DCP2: variants seen among roughly 807,000 people sequenced by gnomAD.
The protein encoded by DCP2 is decapping mRNA 2, also known as m7GpppN-mRNA hydrolase.
DCP2 carries 30 observed loss-of-function variants against 56.1 expected under a neutral mutation model. The ratio of observed to expected loss-of-function variants is 0.53; its 90% CI spans 0.40 to 0.73. DCP2 has a LOEUF of 0.73. Ranked by LOEUF, DCP2 falls within the 30% of genes least tolerant of loss-of-function variation. The probability of loss-of-function intolerance (pLI) is 0.00; values close to 1 mark genes in which losing one functional copy is unlikely to be tolerated. For synonymous variants in DCP2, 197 were observed against 163.3 expected (o/e 1.21, Z -1.57); for missense variants, 533 against 502.7 (o/e 1.06, Z -0.58).
chr5:112,987,838 C>T (rs1748373454), intron 2 of DCP2, among the ~76,000 whole-genome samples: 1 of 151,536 alleles, frequency 6.6e-6, no homozygotes, highest in South Asian at 2.1e-4. Context: ...TGCCTTGTTG[C>T]CCAGTCTGGC....
At chr5:113,008,768 C>G (rs957057659) in intron 9 of DCP2, among the ~76,000 whole-genome samples, 10 of 152,026 alleles carry the variant, frequency 6.6e-5, no homozygotes, top group African/African-American at 2.4e-4. Context: ...GTGACAAGAA[C>G]AGAGAAGACA....
chr5:113,011,027 T>C (rs1287947595), intron 10 of DCP2, among the ~76,000 whole-genome samples: 1 of 152,230 alleles, frequency 6.6e-6, no homozygotes, highest in African/African-American at 2.4e-5. Flanking sequence ...CCGTTTCTTT[T>C]ATGAATGTTA....
intron 4 of DCP2, among the ~76,000 whole-genome samples, chr5:112,997,936 A>G (rs774951509): frequency 3.2e-4 from 48 of 152,142 alleles, no homozygotes; most frequent in Non-Finnish European, 2.6e-4. Flanking sequence ...TTTAAAAAAA[A>G]TTTTATTTGT....
intron 2 of DCP2, among the ~76,000 whole-genome samples, chr5:112,988,901 G>A (rs1351958042): frequency 6.6e-6 from 1 of 152,164 alleles, no homozygotes; most frequent in Non-Finnish European, 1.5e-5. Context: ...ATAACATTTT[G>A]TGTGTGTTTG....
Position 113,016,031 on chromosome 5 carries a change from A to G in DCP2, c.*2547A>G, listed in dbSNP as rs1749871237. 5 of 152,646 alleles carry G rather than the reference A, an allele frequency of 3.3e-5. No individual in the cohort carries two copies. The South Asian group carries it at 1.0e-3, about 32-fold the overall frequency. The allele number at this position is 152,646 out of a possible 1,614,324, so 9.5% of individuals were successfully genotyped here. A position where few individuals can be genotyped will look rare whatever the true frequency, so the allele number is the denominator to read the frequency against. On this transcript the variant is annotated 3_prime_UTR_variant, in exon 11 of 11. Coordinates refer to ENST00000389063, the MANE Select transcript of DCP2 (RefSeq NM_152624.6). ...ACAGGTCTTGGAATTCACTTTTTAAATGTTACGTTCCAACCTTATATGTTC... is the reference window on the plus strand; with the variant it reads ...ACAGGTCTTGGAATTCACTTTTTAAGTGTTACGTTCCAACCTTATATGTTC...
chr5:112,996,532 A>G (rs1430854292), intron 4 of DCP2, among the ~76,000 whole-genome samples: 2 of 152,112 alleles, frequency 1.3e-5, no homozygotes, highest in African/African-American at 4.8e-5. Flanking sequence ...TAATGTTGTT[A>G]TTTTAGTATA....
At chr5:113,004,854 G>A (rs1020508363) in intron 8 of DCP2, among the ~76,000 whole-genome samples, 37 of 150,224 alleles carry the variant, frequency 2.5e-4, no homozygotes, top group Non-Finnish European at 3.8e-4. Context: ...TTGGCCAGGC[G>A]TGGTGGCTCA....
In DCP2 at chr5:113,012,730, G is replaced by A. The variant is rs149320752; in HGVS notation, c.1100-591G>A. Among the ~76,000 whole-genome samples the A allele has an allele frequency of 7.0e-3, 1,065 of 152,128 alleles. 10 individuals carry two copies. Among genetic ancestry groups the A allele is most frequent in the African/African-American group, 0.024 (983 of 41,512 alleles). ...ACGATCTCAGCTTACTGCAGCCTCC[G>A]CCTCCTGGGTACAAGTCATTCTCCT... On this transcript the variant is annotated intron_variant, in intron 10 of 10. Transcript: ENST00000389063.
intron 2 of DCP2, among the ~76,000 whole-genome samples, chr5:112,988,855 C>T (rs1393183418): frequency 1.3e-5 from 2 of 152,108 alleles, no homozygotes. Context: ...GACTTACAGC[C>T]CTTCTAGGGC....
At position 112,995,641 on chromosome 5, in the gene DCP2, C is replaced by G. The variant is rs202123138; in HGVS notation, c.432+2871C>G. Reference sequence around the variant, plus strand: ...GTTTTCATAATAAAAATTCTAACCTCTAAACATTCTTTTTGATCTCTATGA... The same window carrying G: ...GTTTTCATAATAAAAATTCTAACCTGTAAACATTCTTTTTGATCTCTATGA... On this transcript the variant is annotated intron_variant, in intron 4 of 10. Coordinates refer to ENST00000389063, the MANE Select transcript of DCP2 (RefSeq NM_152624.6). Among the ~76,000 whole-genome samples the G allele has an allele frequency of 3.9e-5, 6 of 152,322 alleles. No homozygotes were observed. The East Asian group carries it at 9.6e-4, about 24-fold the overall frequency.
intron 2 of DCP2, among the ~76,000 whole-genome samples, chr5:112,989,267 T>C (rs1294347271): frequency 6.6e-6 from 1 of 152,208 alleles, no homozygotes; most frequent in Non-Finnish European, 1.5e-5. Flanking sequence ...GTAGGTTATT[T>C]AAATCATCTT....
At chr5:112,992,289 C>A (rs201778091) in intron 3 of DCP2, 41 bp downstream of exon 3, 4 of 1,576,340 alleles carry the variant, frequency 2.5e-6, no homozygotes, top group South Asian at 1.2e-5. Context: ...AAATGGTGAT[C>A]GTTAATCTGT....
In DCP2 at chr5:113,017,982, C is replaced by T. The variant is rs1749960088; in HGVS notation, c.*4498C>T. 6.6e-6 allele frequency: 1 copy of T among 152,126 alleles called. No homozygotes were observed. The allele number at this position is 152,126 out of a possible 1,614,324, so 9.4% of individuals were successfully genotyped here. On this transcript the variant is annotated 3_prime_UTR_variant, in exon 11 of 11. Transcript: ENST00000389063. Reference sequence around the variant, plus strand: ...AAGACCAGTGATGAGGAGTCTGGTCCTTCCTGTACTGATACTGTAGAACTC... The same window carrying T: ...AAGACCAGTGATGAGGAGTCTGGTCTTTCCTGTACTGATACTGTAGAACTC...
At position 113,004,802 on chromosome 5, in the gene DCP2, A is replaced by G. The variant is rs576061684; in HGVS notation, c.942+725A>G. 6.6e-5 allele frequency among the ~76,000 whole-genome samples: 10 copies of G among 151,394 alleles called. No individual in the cohort carries two copies. In the East Asian group the frequency reaches 7.7e-4, roughly 12 times the overall value. ...GTTATTTTTTTAATTTCAGGTTTCA[A>G]TGTTACTTTTTTTTTTTTTTTATTT... On this transcript the variant is annotated intron_variant, in intron 8 of 10. Transcript: ENST00000389063.
intron 7 of DCP2, among the ~76,000 whole-genome samples, chr5:113,002,316 G>C (rs1225135989): frequency 2.6e-5 from 4 of 151,768 alleles, no homozygotes; most frequent in Non-Finnish European, 5.9e-5. Context: ...CCAGCTTCTC[G>C]GGAGGCTGAG....
intron 4 of DCP2, among the ~76,000 whole-genome samples, chr5:112,996,553 C>A (rs1157643663): frequency 1.3e-5 from 2 of 152,074 alleles, no homozygotes; most frequent in Admixed American, 1.3e-4. Flanking sequence ...ATTGGCATTC[C>A]AGAGGTGTTT....
Position 112,985,884 on chromosome 5 carries a change from G to T in DCP2, c.103G>T (p.Val35Leu). 1 of 1,610,686 alleles carries T rather than the reference G, an allele frequency of 6.2e-7. No homozygotes were observed. Among genetic ancestry groups the T allele is most frequent in the Non-Finnish European group, 8.5e-7 (1 of 1,177,190 alleles). ...PSEERDNAIR[V>L]CFQIELAHWF... ...CGAGGAAAGAGACAATGCAATCCGA[G>T]TGTGTTTTCAGATTGAACTTGCCCA... The change falls in exon 2 of 11, where the codon GTG (valine) becomes TTG (leucine). Residue 35 changes from valine to leucine, a missense_variant. By Grantham distance (32) the Val-to-Leu change is conservative (BLOSUM62 1). This residue lies in a region of DCP2 where 137 missense variants were observed against 138.2 expected (regional missense o/e 0.99). Transcript: ENST00000389063.
rs190200909 is a variant in DCP2, at chr5:113,014,618, A to G, written c.*1134A>G. The G allele has an allele frequency of 2.6e-4, 39 of 152,772 alleles. No homozygotes were observed. The highest frequency in any genetic ancestry group is 2.2e-3 in the Admixed American group (34 of 15,304). 9.5% of individuals were successfully genotyped at this position (152,772 alleles called of 1,614,324 possible). A position where few individuals can be genotyped will look rare whatever the true frequency, so the allele number is the denominator to read the frequency against. On this transcript the variant is annotated 3_prime_UTR_variant, in exon 11 of 11. Transcript: ENST00000389063. ...TTTGCTTCAGGATTTTTAAATTCAA[A>G]TAAGGATGGCAGTGCCCATTTTAAG...
intron 1 of DCP2, among the ~76,000 whole-genome samples, chr5:112,980,198 T>C (rs1747933986): frequency 6.6e-6 from 1 of 152,234 alleles, no homozygotes; most frequent in Non-Finnish European, 1.5e-5. Flanking sequence ...AAAGCAAGTT[T>C]TTAAAGTAGA....
Sources: gnomAD v4.1 joint callset for allele counts (sites outside exome capture counted in the v4.1 genomes callset) on GRCh38, gnomAD v4.1.1 for gene constraint, gnomAD v4.1.1 regional missense constraint, MANE v1.5 for transcripts, NCBI Gene and HGNC (gene_info 2026-07-23, HGNC 2026-07-21) for gene names.